The following MYO10 variants were observed in gnomAD, a reference collection of about 807,000 sequenced individuals.
MYO10 encodes the protein unconventional myosin-X.
Under a neutral mutation model 257.3 loss-of-function variants are expected in MYO10, and 133 were observed. The ratio of observed to expected loss-of-function variants is 0.52; its 90% CI spans 0.45 to 0.60. MYO10 has a LOEUF of 0.60. MYO10 is among the 20% of genes least tolerant of loss of function. The pLI, the probability that MYO10 is intolerant of heterozygous loss-of-function variation, is 0.00. For missense variants in MYO10, 2,399 were observed against 2,635.7 expected (o/e 0.91, Z 1.97); for synonymous variants, 1,104 against 1,028.6 (o/e 1.07, Z -1.40).
rs891999719 is a variant in MYO10 at position 16,663,122 on chromosome 5, G to A, written c.*3570C>T. On this transcript the variant is annotated 3_prime_UTR_variant, in exon 41 of 41. Coordinates refer to ENST00000513610, the MANE Select transcript of MYO10 (RefSeq NM_012334.3). ...TGTAGGATTAGAGCTAAAATACTATGCTGAGAAAAAAGTAAGCTACAACAG... is the reference window on the plus strand; with the variant it reads ...TGTAGGATTAGAGCTAAAATACTATACTGAGAAAAAAGTAAGCTACAACAG... The A allele has an allele frequency of 2.6e-5, 4 of 152,058 alleles. No individual in the cohort carries two copies. Among genetic ancestry groups the A allele is most frequent in the Non-Finnish European group, 4.4e-5 (3 of 67,998 alleles). The allele number at this position is 152,058 out of a possible 1,614,324, so 9.4% of individuals were successfully genotyped here.
At chr5:16,708,222 A>G (rs1738432102) in intron 21 of MYO10, among the ~76,000 whole-genome samples, 1 of 152,240 alleles carries the variant, frequency 6.6e-6, no homozygotes. Context: ...CATCTTGAAT[A>G]CTTCCTTGAT....
intron 3 of MYO10, among the ~76,000 whole-genome samples, chr5:16,812,924 TTA>T (rs1333608110): frequency 1.1e-4 from 15 of 133,522 alleles, no homozygotes; most frequent in African/African-American, 3.7e-4. Flanking sequence ...CTGGGTGCTT[TTA>T]TTTTTTTTTT....
Position 16,702,926 on chromosome 5 carries a change from T to C in MYO10, c.2509A>G (p.Arg837Gly), listed in dbSNP as rs369389407. 5.2e-5 allele frequency: 80 copies of C among 1,551,124 alleles called. No homozygotes were observed. The African/African-American group carries it at 1.1e-3, about 21-fold the overall frequency. ...EEKKKREEEE[R>G]ERERERREAE... Reference sequence around the variant, plus strand: ...ATCCCAGCAAGAAAGGTACTGTACCTTTCTTCTTCCTCCCGTTTCTTCTTT... The same window carrying C: ...ATCCCAGCAAGAAAGGTACTGTACCCTTCTTCTTCCTCCCGTTTCTTCTTT... The change falls in exon 23 of 41, where the codon AGA (arginine) becomes GGA (glycine). Residue 837 changes from arginine (R) to glycine (G), a missense_variant and splice_region_variant. By Grantham distance (125) the Arg-to-Gly change is moderately radical. Around this residue, in one of 3 missense-constraint regions of MYO10, gnomAD observed 1,820 missense variants for 1,939.4 expected, o/e 0.94. Transcript: ENST00000513610.
chr5:16,690,861 G>T (rs1315237678), intron 27 of MYO10, among the ~76,000 whole-genome samples: 2 of 152,060 alleles, frequency 1.3e-5, no homozygotes, highest in Non-Finnish European at 2.9e-5. Context: ...GGTGAACCAG[G>T]TTAACAAAAT....
intron 2 of MYO10, among the ~76,000 whole-genome samples, chr5:16,873,860 G>A (rs1404207239): frequency 6.6e-6 from 1 of 152,154 alleles, no homozygotes; most frequent in Non-Finnish European, 1.5e-5. Context: ...ACAGCACAGG[G>A]ACCTGGGCCC....
In MYO10 at chr5:16,898,225, AT is replaced by A. The variant is rs1159186340; in HGVS notation, c.22-20519del. On this transcript the variant is annotated intron_variant, in intron 1 of 40. Coordinates refer to ENST00000513610, the MANE Select transcript of MYO10 (RefSeq NM_012334.3). ...TGGGCAGAAATAAGGCAAGCCACAT[AT>A]GTAATTTTAAATTTTCTAATAATCA... Among the ~76,000 whole-genome samples, 11 of 148,990 alleles carry A rather than the reference AT, an allele frequency of 7.4e-5. No homozygotes were observed. The East Asian group carries it at 1.8e-3, about 24-fold the overall frequency.
At chr5:16,751,761 G>A (rs1032886667) in intron 19 of MYO10, among the ~76,000 whole-genome samples, 4 of 150,992 alleles carry the variant, frequency 2.6e-5, no homozygotes, top group African/African-American at 9.8e-5. Flanking sequence ...GTGAGCCACC[G>A]CCCCCACCGC....
At chr5:16,684,493 C>G (rs1274418990) in intron 29 of MYO10, among the ~76,000 whole-genome samples, 1 of 152,222 alleles carries the variant, frequency 6.6e-6, no homozygotes, top group Non-Finnish European at 1.5e-5. Context: ...ATCCATCCGC[C>G]TTGGCCTCCC....
chr5:16,919,941 T>A (rs1561059797), intron 1 of MYO10, among the ~76,000 whole-genome samples: 1 of 152,138 alleles, frequency 6.6e-6, no homozygotes, highest in Admixed American at 6.5e-5. Context: ...TGAAACCCCG[T>A]CTCTACTAAA....
intron 17 of MYO10, among the ~76,000 whole-genome samples, chr5:16,760,179 T>C (rs984347811): frequency 4.0e-5 from 6 of 151,316 alleles, no homozygotes; most frequent in Non-Finnish European, 5.9e-5. Flanking sequence ...CCGCCGGGCA[T>C]GGTGGCTCAT....
In MYO10 at chr5:16,762,538, G is replaced by A. The variant is rs572781892; in HGVS notation, c.1587+7C>T. 1.2e-5 allele frequency: 19 copies of A among 1,594,822 alleles called. No individual in the cohort carries two copies. Among genetic ancestry groups the A allele is most frequent in the African/African-American group, 1.1e-4 (8 of 74,724 alleles). On this transcript the variant is annotated splice_region_variant and intron_variant, in intron 15 of 40. Coordinates refer to ENST00000513610, the MANE Select transcript of MYO10 (RefSeq NM_012334.3). ...AATGTGATGAAGAATTGCAGGTTTT[G>A]ACATACCGCATGCTGACTGTGTAGC...
chr5:16,670,494 G>A, intron 39 of MYO10, 32 bp downstream of exon 39: 1 of 1,553,238 alleles, frequency 6.4e-7, no homozygotes, highest in Non-Finnish European at 8.8e-7. Flanking sequence ...CCAGCACCCA[G>A]CCCACCCCAA....
chr5:16,933,648 C>G (rs1195883574), intron 1 of MYO10, among the ~76,000 whole-genome samples: 3 of 152,168 alleles, frequency 2.0e-5, no homozygotes, highest in Non-Finnish European at 2.9e-5. Flanking sequence ...ACATTAATTA[C>G]AGCATTTTCT....
intron 19 of MYO10, among the ~76,000 whole-genome samples, chr5:16,718,140 C>A (rs918865909): frequency 6.6e-6 from 1 of 152,202 alleles, no homozygotes; most frequent in Non-Finnish European, 1.5e-5. Flanking sequence ...GCAGTGCCAG[C>A]CCACCGGCGC....
chr5:16,670,618 A>G lies in MYO10; in HGVS notation c.5791T>C (p.Phe1931Leu). ...RASIIDKWRK[F>L]QGMNQEQAMA... ...GCCTGTTCCTGGTTCATTCCCTGAA[A>G]TTTCCTCCACTTGTCAATGATACTG... is the stretch of plus-strand genomic sequence containing the variant. The change falls in exon 39 of 41, where the codon TTT (phenylalanine) becomes CTT (leucine). Residue 1931 changes from phenylalanine (F) to leucine (L), a missense_variant. By Grantham distance (22) the Phe-to-Leu change is conservative (BLOSUM62 0). Around this residue, in one of 3 missense-constraint regions of MYO10, gnomAD observed 1,820 missense variants for 1,939.4 expected, o/e 0.94. Coordinates refer to ENST00000513610, the MANE Select transcript of MYO10 (RefSeq NM_012334.3). 1 of 1,613,906 alleles carries G rather than the reference A, an allele frequency of 6.2e-7. No individual in the cohort carries two copies. Among genetic ancestry groups the G allele is most frequent in the Non-Finnish European group, 8.5e-7 (1 of 1,179,884 alleles).
chr5:16,843,727 C>T (rs952150402), intron 2 of MYO10, among the ~76,000 whole-genome samples: 2 of 152,008 alleles, frequency 1.3e-5, no homozygotes, highest in African/African-American at 4.8e-5. Context: ...TAGTAGAGCA[C>T]ATCAAATATA....
intron 1 of MYO10, among the ~76,000 whole-genome samples, chr5:16,883,355 A>G (rs558106127): frequency 6.6e-6 from 1 of 152,214 alleles, no homozygotes; most frequent in South Asian, 2.1e-4. Flanking sequence ...CAAAACCACC[A>G]CAACCCCATA....
intron 9 of MYO10, among the ~76,000 whole-genome samples, chr5:16,774,580 C>T (rs890669045): frequency 6.6e-6 from 1 of 151,926 alleles, no homozygotes; most frequent in Non-Finnish European, 1.5e-5. Flanking sequence ...CACCACCACA[C>T]CCGGCTAATT....
At chr5:16,935,665 G>C (rs905340545) in intron 1 of MYO10, 123 bp downstream of exon 1, 13 of 1,156,292 alleles carry the variant, frequency 1.1e-5, no homozygotes, top group Non-Finnish European at 1.7e-5. Flanking sequence ...GGTGATTTCA[G>C]GAGACTCCCA....
Sources: gnomAD v4.1 joint callset for allele counts (sites outside exome capture counted in the v4.1 genomes callset) on GRCh38, gnomAD v4.1.1 for gene constraint, gnomAD v4.1.1 regional missense constraint, MANE v1.5 for transcripts, NCBI Gene and HGNC (gene_info 2026-07-23, HGNC 2026-07-21) for gene names.